ZNF804A: variants seen among roughly 807,000 people sequenced by gnomAD.
ZNF804A encodes the protein zinc finger protein 804A.
A neutral mutation model predicts 16.5 loss-of-function variants in ZNF804A; 2 were observed. The observed-to-expected ratio is 0.12, with a 90% CI of 0.05 to 0.38. The LOEUF (loss-of-function observed/expected upper bound fraction) is 0.38. ZNF804A is among the 10% of genes least tolerant of loss of function. ZNF804A has a pLI of 0.99. For missense variants in ZNF804A, 1,473 were observed against 1,390.7 expected, an observed-to-expected ratio of 1.06 and a Z score of -0.94; for synonymous variants, 534 against 489.6, an observed-to-expected ratio of 1.09 and a Z score of -1.20.
intron 1 of ZNF804A, among the ~76,000 whole-genome samples, chr2:184,823,764 A>G (rs1695119205): frequency 6.6e-6 from 1 of 152,110 alleles, no homozygotes; most frequent in Admixed American, 6.6e-5. Flanking sequence ...TGAAAAACCA[A>G]AAACCCTTTA....
At chr2:184,835,875 G>C (rs533455660) in intron 1 of ZNF804A, among the ~76,000 whole-genome samples, 1 of 152,210 alleles carries the variant, frequency 6.6e-6, no homozygotes, top group African/African-American at 2.4e-5. Flanking sequence ...AAATTGGAAA[G>C]AGACCTTGAC....
At chr2:184,928,925 G>A (rs1183244960) in intron 2 of ZNF804A, among the ~76,000 whole-genome samples, 2 of 152,174 alleles carry the variant, frequency 1.3e-5, no homozygotes, top group African/African-American at 2.4e-5. Flanking sequence ...GGAGAAGGGA[G>A]GCATTGGCTA....
intron 1 of ZNF804A, among the ~76,000 whole-genome samples, chr2:184,702,104 A>G (rs986253004): frequency 6.6e-6 from 1 of 152,010 alleles, no homozygotes; most frequent in African/African-American, 2.4e-5. Flanking sequence ...ATAAAAATAA[A>G]CTATACTTGT....
intron 1 of ZNF804A, among the ~76,000 whole-genome samples, chr2:184,661,681 T>C (rs559793478): frequency 6.6e-6 from 1 of 152,198 alleles, no homozygotes; most frequent in Non-Finnish European, 1.5e-5. Context: ...GTTCTCACTT[T>C]GGTCATGGAC....
chr2:184,621,942 A>T (rs558708563), intron 1 of ZNF804A, among the ~76,000 whole-genome samples: 1 of 151,932 alleles, frequency 6.6e-6, no homozygotes, highest in East Asian at 1.9e-4. Context: ...TAATTTTGAA[A>T]TATGGCCTGA....
In ZNF804A at chr2:184,709,893, CA is replaced by C. The variant is rs1247680597; in HGVS notation, c.111+110828del. On this transcript the variant is annotated intron_variant, in intron 1 of 3. Transcript: ENST00000302277. ...TATATTTTAAGACTGCATAAAACAA[CA>C]AAAATCACATAAAAGCATAAAGTAT... 2.7e-5 allele frequency among the ~76,000 whole-genome samples: 4 copies of C among 148,576 alleles called. No individual in the cohort carries two copies. The East Asian group carries it at 7.8e-4, about 29-fold the overall frequency.
At position 184,859,356 on chromosome 2, in the gene ZNF804A, T is replaced by G. The variant is rs536321758; in HGVS notation, c.112-7013T>G. ...TATTCTTTTTTGAGTTCACAGATTT[T>G]CTTTGTTGTGGTAAATTCTGCTGTT... On this transcript the variant is annotated intron_variant, in intron 1 of 3. Coordinates refer to ENST00000302277, the MANE Select transcript of ZNF804A (RefSeq NM_194250.2). 1.1e-4 allele frequency among the ~76,000 whole-genome samples: 16 copies of G among 152,216 alleles called. No homozygotes were observed. In the East Asian group the frequency reaches 3.1e-3, roughly 29 times the overall value.
At chr2:184,691,949 G>C (rs897498115) in intron 1 of ZNF804A, among the ~76,000 whole-genome samples, 2 of 151,876 alleles carry the variant, frequency 1.3e-5, no homozygotes, top group African/African-American at 4.8e-5. Context: ...TTTTACAATT[G>C]GTAAAATGAT....
chr2:184,936,882 C>G lies in ZNF804A; in HGVS notation c.1486C>G (p.Pro496Ala), dbSNP rs545752554. The G allele has an allele frequency of 1.2e-6, 2 of 1,613,404 alleles. No homozygotes were observed. Among genetic ancestry groups the G allele is most frequent in the South Asian group, 2.2e-5 (2 of 90,992 alleles). Residue 496 changes from proline to alanine, a missense_variant, in exon 4 of 4, where the codon CCA becomes GCA. Coordinates refer to ENST00000302277, the MANE Select transcript of ZNF804A (RefSeq NM_194250.2). ...GAAGCAGGAAGACATTTGCATGGGACCACTTTCAGATTACAAGGATGTATC... is the reference window on the plus strand; with the variant it reads ...GAAGCAGGAAGACATTTGCATGGGAGCACTTTCAGATTACAAGGATGTATC... ...QQKQEDICMG[P>A]LSDYKDVSTE...
chr2:184,732,283 A>G lies in ZNF804A; in HGVS notation c.111+133213A>G, dbSNP rs534378149. Among the ~76,000 whole-genome samples, 307 of 151,108 alleles carry G rather than the reference A, an allele frequency of 2.0e-3. 1 individual carries two copies. The highest frequency in any genetic ancestry group is 7.1e-3 in the African/African-American group (295 of 41,378). ...TTTTTGCATGTCAATATCCAGTTGT[A>G]CTAGCATACTTTGTTGAAAATACTC... On this transcript the variant is annotated intron_variant, in intron 1 of 3. Transcript: ENST00000302277.
chr2:184,766,523 G>C (rs1694130113), intron 1 of ZNF804A, among the ~76,000 whole-genome samples: 1 of 151,172 alleles, frequency 6.6e-6, no homozygotes, highest in Admixed American at 6.6e-5. Flanking sequence ...CCTTGTCTTT[G>C]AGTACTTGGA....
At chr2:184,626,502 A>T (rs1691502004) in intron 1 of ZNF804A, among the ~76,000 whole-genome samples, 1 of 152,176 alleles carries the variant, frequency 6.6e-6, no homozygotes, top group South Asian at 2.1e-4. Context: ...AGCCATATAG[A>T]TATGTCCATT....
chr2:184,730,330 C>A (rs1445344999), intron 1 of ZNF804A, among the ~76,000 whole-genome samples: 3 of 151,216 alleles, frequency 2.0e-5, no homozygotes, highest in African/African-American at 4.8e-5. Context: ...TATCAACAAC[C>A]CCTACCAGAG....
chr2:184,619,235 AT>A (rs1015813316), intron 1 of ZNF804A, among the ~76,000 whole-genome samples: 2 of 152,088 alleles, frequency 1.3e-5, no homozygotes, highest in Non-Finnish European at 2.9e-5. Flanking sequence ...TATTATATAG[AT>A]TTATGCATGT....
At chr2:184,613,470 G>A (rs966527719) in intron 1 of ZNF804A, among the ~76,000 whole-genome samples, 7 of 152,098 alleles carry the variant, frequency 4.6e-5, no homozygotes, top group Non-Finnish European at 5.9e-5. Flanking sequence ...CTTTCTGGCC[G>A]ACCAATATAA....
intron 1 of ZNF804A, among the ~76,000 whole-genome samples, chr2:184,692,965 T>G (rs1235983165): frequency 1.3e-5 from 2 of 152,168 alleles, no homozygotes; most frequent in Non-Finnish European, 2.9e-5. Context: ...AACCACATGG[T>G]TTTGACAGCC....
intron 1 of ZNF804A, among the ~76,000 whole-genome samples, chr2:184,665,960 C>T (rs958726574): frequency 6.6e-6 from 1 of 152,186 alleles, no homozygotes; most frequent in Non-Finnish European, 1.5e-5. Context: ...ACTGGACCCA[C>T]CTTGATAATC....
intron 2 of ZNF804A, among the ~76,000 whole-genome samples, chr2:184,880,029 A>G (rs1346398711): frequency 6.6e-6 from 1 of 152,060 alleles, no homozygotes; most frequent in African/African-American, 2.4e-5. Flanking sequence ...GGAAAATAGT[A>G]CTAGGTTTTA....
At chr2:184,932,174 T>C (rs965726005) in intron 2 of ZNF804A, among the ~76,000 whole-genome samples, 1 of 152,124 alleles carries the variant, frequency 6.6e-6, no homozygotes, top group Non-Finnish European at 1.5e-5. Context: ...CCCTCCACAC[T>C]GTTCCAACCT....
Sources: gnomAD v4.1 joint callset for allele counts (sites outside exome capture counted in the v4.1 genomes callset) on GRCh38, gnomAD v4.1.1 for gene constraint, MANE v1.5 for transcripts, NCBI Gene and HGNC (gene_info 2026-07-23, HGNC 2026-07-21) for gene names.